Variants in MALRD1 observed in about 807,000 individuals in gnomAD.
The protein encoded by MALRD1 is MAM and LDL receptor class A domain containing 1.
A neutral mutation model predicts 242.1 loss-of-function variants in MALRD1; 247 were observed. The ratio of observed to expected loss-of-function variants is 1.02; its 90% confidence interval spans 0.92 to 1.13. The LOEUF (loss-of-function observed/expected upper bound fraction) is 1.13. MALRD1 is among the 50% of genes most tolerant of loss of function. The pLI is 0.00. For synonymous variants in MALRD1, 995 were observed against 866.6 expected, an observed-to-expected ratio of 1.15 and a Z score of -2.60; for missense variants, 2,989 against 2,533.1, an observed-to-expected ratio of 1.18 and a Z score of -3.86.
At position 19,148,773 on chromosome 10, in the gene MALRD1, TAAAAAAAA is replaced by T. The variant is rs1174673634; in HGVS notation, c.1558+2438_1558+2445del. ...CTTTCTCATTTTAGAAAGGGCCAAT[TAAAAAAAA>T]AAAAAAAATATATATATATATATAT... On this transcript the variant is annotated intron_variant, in intron 11 of 39. Coordinates refer to ENST00000454679, the MANE Select transcript of MALRD1 (RefSeq NM_001142308.3). Among the ~76,000 whole-genome samples the T allele has an allele frequency of 4.9e-4, 56 of 114,474 alleles. 2 individuals carry two copies. In the South Asian group the frequency reaches 0.015, roughly 31 times the overall value. The allele number at this position is 114,474 out of a possible 152,430, so 75.1% of individuals were successfully genotyped here.
intron 28 of MALRD1, among the ~76,000 whole-genome samples, chr10:19,444,221 C>T (rs1307029356): frequency 6.6e-6 from 1 of 152,010 alleles, no homozygotes; most frequent in African/African-American, 2.4e-5. Flanking sequence ...TAAGATGGGT[C>T]TCCTCAATAC....
chr10:19,720,834 A>T (rs1050120245), intron 38 of MALRD1, among the ~76,000 whole-genome samples: 11 of 152,204 alleles, frequency 7.2e-5, no homozygotes, highest in Non-Finnish European at 1.2e-4. Flanking sequence ...TGGACGGTAA[A>T]TGATCAGAGA....
intron 24 of MALRD1, among the ~76,000 whole-genome samples, chr10:19,341,175 A>T (rs1381335475): frequency 6.6e-6 from 1 of 152,040 alleles, no homozygotes; most frequent in South Asian, 2.1e-4. Flanking sequence ...TGAATTGAAT[A>T]GACTAAAATA....
At chr10:19,274,773 G>C (rs1173281221) in intron 19 of MALRD1, among the ~76,000 whole-genome samples, 1 of 152,132 alleles carries the variant, frequency 6.6e-6, no homozygotes, top group African/African-American at 2.4e-5. Flanking sequence ...ATTTAAGGTA[G>C]TCAATATCGT....
chr10:19,662,761 A>T (rs948929196), intron 36 of MALRD1, among the ~76,000 whole-genome samples: 2 of 152,112 alleles, frequency 1.3e-5, no homozygotes, highest in African/African-American at 2.4e-5. Flanking sequence ...TTGGCCTATC[A>T]CCCATGCCAA....
chr10:19,734,235 TAGC>T lies in MALRD1; in HGVS notation c.*3_*5del. On this transcript the variant is annotated stop_retained_variant and 3_prime_UTR_variant, in exon 40 of 40. Coordinates refer to ENST00000454679, the MANE Select transcript of MALRD1 (RefSeq NM_001142308.3). ...GGAGACCCTGTCACATCATCTCAAA[TAGC>T]AGCATCGAGACCAAGTCTGATCCAA... The T allele has an allele frequency of 1.3e-6, 2 of 1,535,212 alleles. No homozygotes were observed. Among genetic ancestry groups the T allele is most frequent in the South Asian group, 1.2e-5 (1 of 83,962 alleles).
intron 28 of MALRD1, among the ~76,000 whole-genome samples, chr10:19,448,670 G>GT (rs1200645490): frequency 1.3e-5 from 2 of 151,906 alleles, no homozygotes; most frequent in African/African-American, 4.8e-5. Flanking sequence ...TTAGAATATT[G>GT]TATTACTAGT....
chr10:19,512,385 TCAAGG>T (rs1190643245), intron 31 of MALRD1, among the ~76,000 whole-genome samples: 1 of 152,212 alleles, frequency 6.6e-6, no homozygotes, highest in Admixed American at 6.5e-5. Flanking sequence ...ATTATTGCCA[TCAAGG>T]ACAGCAGTAA....
chr10:19,350,797 T>C (rs902156439), intron 25 of MALRD1, among the ~76,000 whole-genome samples: 3 of 152,146 alleles, frequency 2.0e-5, no homozygotes, highest in Non-Finnish European at 2.9e-5. Flanking sequence ...GAGAAGTCCC[T>C]GTTTGTAGCT....
intron 1 of MALRD1, among the ~76,000 whole-genome samples, chr10:19,050,986 T>G (rs1834476169): frequency 6.6e-6 from 1 of 152,236 alleles, no homozygotes; most frequent in African/African-American, 2.4e-5. Context: ...GGCATAGATC[T>G]GTCGAATAAA....
Position 19,209,331 on chromosome 10 carries a change from A to T in MALRD1, c.2642A>T (p.Asp881Val), listed in dbSNP as rs773932959. The T allele has an allele frequency of 6.5e-7, 1 of 1,550,300 alleles. No individual in the cohort carries two copies. Among genetic ancestry groups the T allele is most frequent in the Non-Finnish European group, 8.7e-7 (1 of 1,146,872 alleles). The change falls in exon 18 of 40, where the codon GAC (aspartate) becomes GTC (valine). Residue 881 changes from aspartate to valine, a missense_variant. Physicochemically the swap from Asp to Val is radical, Grantham distance 152. Transcript: ENST00000454679. The stretch of plus-strand genomic sequence containing the variant: ...AACTGGGAACAAGATGCAAAAGATG[A>T]CTTTGATTGGACCAGGAGCCAGGGT... The part of the protein sequence containing the change: ...ICNWEQDAKD[D>V]FDWTRSQGPT...
chr10:19,494,571 T>C (rs1564389592), intron 30 of MALRD1, among the ~76,000 whole-genome samples: 2 of 151,954 alleles, frequency 1.3e-5, no homozygotes, highest in Non-Finnish European at 2.9e-5. Flanking sequence ...ATATCCAGTA[T>C]AAAAAAATAA....
chr10:19,500,841 C>G (rs957127191), intron 31 of MALRD1, among the ~76,000 whole-genome samples: 4 of 152,018 alleles, frequency 2.6e-5, no homozygotes, highest in Non-Finnish European at 5.9e-5. Context: ...AACTATTTCT[C>G]AAATGCCAGG....
chr10:19,549,452 T>C (rs900388668), intron 32 of MALRD1, among the ~76,000 whole-genome samples: 1 of 152,158 alleles, frequency 6.6e-6, no homozygotes, highest in African/African-American at 2.4e-5. Context: ...CACTCCACCC[T>C]TCAGCAATCA....
At chr10:19,593,293 A>C (rs142584275) in intron 33 of MALRD1, among the ~76,000 whole-genome samples, 1 of 152,254 alleles carries the variant, frequency 6.6e-6, no homozygotes, top group East Asian at 1.9e-4. Context: ...ATTTCTACAA[A>C]CATAGGCTCC....
At chr10:19,403,173 A>G (rs1013762668) in intron 28 of MALRD1, among the ~76,000 whole-genome samples, 1 of 152,146 alleles carries the variant, frequency 6.6e-6, no homozygotes, top group Non-Finnish European at 1.5e-5. Flanking sequence ...CCAAAAAAAA[A>G]GTCTAGTTTT....
At chr10:19,443,176 A>C (rs1834767832) in intron 28 of MALRD1, among the ~76,000 whole-genome samples, 1 of 151,878 alleles carries the variant, frequency 6.6e-6, no homozygotes, top group Admixed American at 6.6e-5. Flanking sequence ...CCCCTTTATC[A>C]TTTTTTTATT....
chr10:19,208,489 AGAAG>A (rs945069858), intron 17 of MALRD1, among the ~76,000 whole-genome samples: 4 of 152,176 alleles, frequency 2.6e-5, no homozygotes, highest in Non-Finnish European at 4.4e-5. Flanking sequence ...TCTGGATTCG[AGAAG>A]GAAGTGGTAA....
chr10:19,422,031 C>T (rs1327660058), intron 28 of MALRD1, among the ~76,000 whole-genome samples: 3 of 152,184 alleles, frequency 2.0e-5, no homozygotes, highest in African/African-American at 7.2e-5. Flanking sequence ...GAGCAGAATC[C>T]TCTGGAAGAC....
Sources: allele counts gnomAD v4.1 joint callset (sites outside exome capture counted in the v4.1 genomes callset), GRCh38; gene constraint gnomAD v4.1.1; transcripts MANE v1.5; gene names NCBI Gene and HGNC (gene_info 2026-07-23, HGNC 2026-07-21).